Variants in SLC25A17 observed in about 807,000 individuals in gnomAD.
SLC25A17 encodes the protein solute carrier family 25 member 17, also known as peroxisomal membrane protein PMP34.
In SLC25A17, 26 loss-of-function variants were observed where a neutral mutation model predicts 38.5. That is an observed-to-expected ratio of 0.68 (90% confidence interval 0.50 to 0.94). The LOEUF is 0.94. SLC25A17 is among the 40% of genes least tolerant of loss of function. SLC25A17 has a pLI of 0.00. For synonymous variants in SLC25A17, 139 were observed against 136.2 expected (o/e 1.02, Z -0.14); for missense variants, 333 against 372.7 (o/e 0.89, Z 0.88).
At chr22:40,779,389 C>A in intron 4 of SLC25A17, 1 of 819,226 alleles carries the variant, frequency 1.2e-6, no homozygotes, top group Non-Finnish European at 1.8e-6. Context: ...GTACAACAGG[C>A]AATCTATTTG....
intron 4 of SLC25A17, among the ~76,000 whole-genome samples, chr22:40,783,299 A>G (rs1253796688): frequency 6.6e-6 from 1 of 152,186 alleles, no homozygotes; most frequent in Non-Finnish European, 1.5e-5. Context: ...GCTCTTGTGT[A>G]GGATGATTAG....
intron 7 of SLC25A17, among the ~76,000 whole-genome samples, chr22:40,775,893 T>G (rs1471040845): frequency 6.6e-6 from 1 of 152,216 alleles, no homozygotes; most frequent in African/African-American, 2.4e-5. Flanking sequence ...TGCTGAAATG[T>G]GAGTCAATTA....
rs114184991 is a variant in SLC25A17 at position 40,797,719 on chromosome 22, T to C, written c.115+1304A>G. The stretch of plus-strand genomic sequence containing the variant: ...TAAAAAATAAAATAGGAAACAATGA[T>C]GACCAGTATTTAAAGTCAATGGTGG... On this transcript the variant is annotated intron_variant, in intron 2 of 8. Coordinates refer to ENST00000435456, the MANE Select transcript of SLC25A17 (RefSeq NM_006358.4). Among the ~76,000 whole-genome samples the C allele has an allele frequency of 2.1e-3, 314 of 152,318 alleles. 2 individuals are homozygous for C. Among genetic ancestry groups the C allele is most frequent in the African/African-American group, 7.3e-3 (304 of 41,574 alleles).
chr22:40,784,998 T>G (rs1411389664), intron 4 of SLC25A17, among the ~76,000 whole-genome samples: 1 of 152,144 alleles, frequency 6.6e-6, no homozygotes, highest in African/African-American at 2.4e-5. Flanking sequence ...CCTTTTTCTG[T>G]CCATAAATAT....
At chr22:40,780,318 C>T (rs889672895) in intron 4 of SLC25A17, 2 of 152,200 alleles carry the variant, frequency 1.3e-5, no homozygotes, top group Admixed American at 1.3e-4. Context: ...TAAAAGGCAT[C>T]ACCTAATAAT....
At chr22:40,814,791 T>TATATATATATATATATATATATATA (rs1568991013) in intron 1 of SLC25A17, among the ~76,000 whole-genome samples, 3 of 122,562 alleles carry the variant, frequency 2.4e-5, no homozygotes, top group African/African-American at 9.9e-5. Context: ...ATATATATAT[T>TATATATATATATATATATATATATA]GTTGTTGTTG....
At chr22:40,807,332 G>A (rs1007453124) in intron 1 of SLC25A17, among the ~76,000 whole-genome samples, 3 of 152,140 alleles carry the variant, frequency 2.0e-5, no homozygotes, top group African/African-American at 4.8e-5. Flanking sequence ...GATGCCAAAA[G>A]GTACAGCAAT....
At chr22:40,781,126 A>T (rs1220933438) in intron 4 of SLC25A17, among the ~76,000 whole-genome samples, 2 of 152,138 alleles carry the variant, frequency 1.3e-5, no homozygotes, top group Non-Finnish European at 2.9e-5. Flanking sequence ...AGCTGTGATC[A>T]TGCCACTGCA....
chr22:40,813,655 C>T (rs1316961860), intron 1 of SLC25A17, among the ~76,000 whole-genome samples: 3 of 152,020 alleles, frequency 2.0e-5, no homozygotes, highest in African/African-American at 4.8e-5. Context: ...ACCCAGGAGG[C>T]GGAGCTTGCA....
chr22:40,806,863 G>A (rs1486521192), intron 1 of SLC25A17, among the ~76,000 whole-genome samples: 1 of 152,098 alleles, frequency 6.6e-6, no homozygotes, highest in Non-Finnish European at 1.5e-5. Flanking sequence ...CTTAGAGATG[G>A]GGTCTTGCTA....
intron 1 of SLC25A17, 33 bp from the exon 2 acceptor site, chr22:40,799,116 A>C (rs370456437): frequency 3.1e-4 from 480 of 1,573,428 alleles, no homozygotes; most frequent in Admixed American, 7.8e-4. Context: ...TTACAGCATC[A>C]CAAACATAGT....
At position 40,819,250 on chromosome 22, in the gene SLC25A17, G is replaced by A; in HGVS notation, c.-2C>T. 5.6e-6 allele frequency: 9 copies of A among 1,613,842 alleles called. No homozygotes were observed. Among genetic ancestry groups the A allele is most frequent in the Non-Finnish European group, 7.6e-6 (9 of 1,179,958 alleles). On this transcript the variant is annotated 5_prime_UTR_variant, in exon 1 of 9. Transcript: ENST00000435456. ...TTCGTAGGACAGCACGGAAGCCATT[G>A]GTGCGGCTCCTCGAAGACCCAGCCA...
At chr22:40,794,602 GTTTAT>G (rs777464184) in intron 2 of SLC25A17, 22 bp from the exon 3 acceptor site, 1 of 1,514,048 alleles carries the variant, frequency 6.6e-7, no homozygotes, top group Non-Finnish European at 9.0e-7. Context: ...AACAGTGCAT[GTTTAT>G]TTTATTAATT....
At chr22:40,818,242 A>C (rs980373597) in intron 1 of SLC25A17, among the ~76,000 whole-genome samples, 1 of 152,170 alleles carries the variant, frequency 6.6e-6, no homozygotes, top group African/African-American at 2.4e-5. Flanking sequence ...GAGAAAAGGC[A>C]GTCAAAGAGA....
chr22:40,799,281 G>A (rs187402720), intron 1 of SLC25A17, among the ~76,000 whole-genome samples, 198 bp from the exon 2 acceptor site: 205 of 151,586 alleles, frequency 1.4e-3, no homozygotes, highest in African/African-American at 4.9e-3. Flanking sequence ...CCCTCCAGGT[G>A]TATATCACCA....
chr22:40,818,983 G>A (rs1211252535), intron 1 of SLC25A17, among the ~76,000 whole-genome samples: 2 of 152,160 alleles, frequency 1.3e-5, no homozygotes, highest in Non-Finnish European at 2.9e-5. Flanking sequence ...GCAGTCTCTA[G>A]GAGACCAGGA....
At chr22:40,790,423 A>G (rs1481056872) in intron 4 of SLC25A17, among the ~76,000 whole-genome samples, 1 of 151,460 alleles carries the variant, frequency 6.6e-6, no homozygotes, top group East Asian at 1.9e-4. Context: ...TATTTATTAT[A>G]TGTGTTACTT....
At chr22:40,813,873 G>T (rs540939195) in intron 1 of SLC25A17, 1 of 152,572 alleles carries the variant, frequency 6.6e-6, no homozygotes, top group South Asian at 2.1e-4. Flanking sequence ...CCTAAAAGGA[G>T]TAATGTCTTC....
chr22:40,770,724 AG>A lies in SLC25A17; in HGVS notation c.*109del. 8.5e-7 allele frequency: 1 copy of A among 1,172,700 alleles called. No individual in the cohort carries two copies. Among genetic ancestry groups the A allele is most frequent in the Non-Finnish European group, 1.2e-6 (1 of 856,364 alleles). The allele number at this position is 1,172,700 out of a possible 1,614,324, so 72.6% of individuals were successfully genotyped here. The stretch of plus-strand genomic sequence containing the variant: ...CCCTTGGATGCTTTTCAAGCCAATG[AG>A]GGTAACATTTGTGGTGGCAGGAGCC... On this transcript the variant is annotated 3_prime_UTR_variant, in exon 9 of 9. Transcript: ENST00000435456.
Sources: gnomAD v4.1 joint callset for allele counts (sites outside exome capture counted in the v4.1 genomes callset) on GRCh38, gnomAD v4.1.1 for gene constraint, MANE v1.5 for transcripts, NCBI Gene and HGNC (gene_info 2026-07-23, HGNC 2026-07-21) for gene names.